WNT7A: variants seen among roughly 807,000 people sequenced by gnomAD.
WNT7A encodes the protein protein Wnt-7a.
A neutral mutation model predicts 28.2 loss-of-function variants in WNT7A; 16 were observed. That is an observed-to-expected ratio of 0.57 (90% CI 0.38 to 0.86). The LOEUF (loss-of-function observed/expected upper bound fraction) is 0.86. Ranked by LOEUF, WNT7A falls within the 40% of genes least tolerant of loss-of-function variation. WNT7A has a pLI of 0.00. For synonymous variants in WNT7A, 190 were observed against 195.9 expected (o/e 0.97, Z 0.25); for missense variants, 411 against 489.7 (o/e 0.84, Z 1.52).
intron 3 of WNT7A, among the ~76,000 whole-genome samples, chr3:13,851,345 C>G (rs1005707603): frequency 1.2e-4 from 19 of 152,226 alleles, no homozygotes; most frequent in African/African-American, 4.3e-4. Flanking sequence ...GTCCTCCCCA[C>G]CCTCGGCCAC....
chr3:13,830,390 C>T (rs1288308438), intron 3 of WNT7A, among the ~76,000 whole-genome samples: 1 of 152,170 alleles, frequency 6.6e-6, no homozygotes, highest in Non-Finnish European at 1.5e-5. Flanking sequence ...CCGCTGGCTT[C>T]CTCTCCTGTG....
chr3:13,850,791 T>A (rs1356009675), intron 3 of WNT7A, among the ~76,000 whole-genome samples: 1 of 152,072 alleles, frequency 6.6e-6, no homozygotes, highest in Non-Finnish European at 1.5e-5. Flanking sequence ...CGGAGACCCC[T>A]GGCCCTTGGC....
chr3:13,878,260 C>G (rs575096777), intron 1 of WNT7A, among the ~76,000 whole-genome samples: 194 of 152,264 alleles, frequency 1.3e-3, no homozygotes, highest in Non-Finnish European at 2.2e-3. Context: ...TCTGTCTCCC[C>G]CGCCACCCGT....
chr3:13,826,870 A>G (rs1053246868), intron 3 of WNT7A, among the ~76,000 whole-genome samples: 1 of 152,260 alleles, frequency 6.6e-6, no homozygotes, highest in African/African-American at 2.4e-5. Flanking sequence ...CTGGGGCCAT[A>G]TTAACTAAGG....
intron 3 of WNT7A, among the ~76,000 whole-genome samples, chr3:13,842,510 T>C (rs1378478431): frequency 1.3e-5 from 2 of 152,098 alleles, no homozygotes; most frequent in African/African-American, 4.8e-5. Context: ...GTTGTGTCAC[T>C]GTAGGGAAGA....
At chr3:13,835,553 C>G (rs1694353809) in intron 3 of WNT7A, among the ~76,000 whole-genome samples, 1 of 152,208 alleles carries the variant, frequency 6.6e-6, no homozygotes, top group South Asian at 2.1e-4. Context: ...AGCTAGAGGA[C>G]CCAGAGCACG....
At chr3:13,845,601 C>T (rs1694525737) in intron 3 of WNT7A, among the ~76,000 whole-genome samples, 1 of 152,170 alleles carries the variant, frequency 6.6e-6, no homozygotes, top group Non-Finnish European at 1.5e-5. Flanking sequence ...GCCAAGGCCA[C>T]ACAGCTAGCA....
At chr3:13,859,836 G>A (rs754925124) in intron 2 of WNT7A, among the ~76,000 whole-genome samples, 6 of 152,240 alleles carry the variant, frequency 3.9e-5, no homozygotes, top group Non-Finnish European at 7.3e-5. Flanking sequence ...TGCTCAGCAT[G>A]TTAGAAGAGA....
At chr3:13,824,772 C>A (rs1393035882) in intron 3 of WNT7A, among the ~76,000 whole-genome samples, 1 of 152,210 alleles carries the variant, frequency 6.6e-6, no homozygotes, top group African/African-American at 2.4e-5. Context: ...GATGGCCCAA[C>A]AATTCCACTA....
chr3:13,858,617 G>A (rs754300663), intron 2 of WNT7A, among the ~76,000 whole-genome samples: 18 of 152,136 alleles, frequency 1.2e-4, no homozygotes, highest in Non-Finnish European at 2.4e-4. Flanking sequence ...AGCCCAGAGT[G>A]AGGTCTCATC....
In WNT7A at chr3:13,827,479, C is replaced by G. The variant is rs545793529; in HGVS notation, c.571-8056G>C. Reference sequence around the variant, plus strand: ...GTGCTGCCCAGAGCCCGGAATTACTCAGGGTGGGGTTCTCAGGCCTGGGAG... The same window carrying G: ...GTGCTGCCCAGAGCCCGGAATTACTGAGGGTGGGGTTCTCAGGCCTGGGAG... On this transcript the variant is annotated intron_variant, in intron 3 of 3. Transcript: ENST00000285018. Among the ~76,000 whole-genome samples the G allele has an allele frequency of 2.6e-5, 4 of 152,312 alleles. No homozygotes were observed. The East Asian group carries it at 7.7e-4, about 29-fold the overall frequency.
rs748908798 is a variant in WNT7A at position 13,819,379 on chromosome 3, C to G, written c.615G>C (p.Val205=). 1.2e-6 allele frequency: 2 copies of G among 1,613,380 alleles called. No individual in the cohort carries two copies. Among genetic ancestry groups the G allele is most frequent in the South Asian group, 2.2e-5 (2 of 90,936 alleles). ...ACGTCTTGGTGGTGCACGAGCCTGA[C>G]ACGCCGTGGCACTTACATTCCAGCT... ...NMKLECKCHG[V]SGSCTTKTCW... is the part of the protein sequence containing the mutation. The change falls in exon 4 of 4, where the codon GTG becomes GTC. Residue 205 remains valine, a synonymous_variant. Coordinates refer to ENST00000285018, the MANE Select transcript of WNT7A (RefSeq NM_004625.4).
chr3:13,868,929 A>G (rs752920316), intron 2 of WNT7A, among the ~76,000 whole-genome samples: 1 of 146,098 alleles, frequency 6.8e-6, no homozygotes, highest in African/African-American at 2.5e-5. Flanking sequence ...GAAGGAAAGA[A>G]GGAAGGAAGG....
chr3:13,878,628 G>A (rs1234582342), intron 1 of WNT7A, among the ~76,000 whole-genome samples: 1 of 152,144 alleles, frequency 6.6e-6, no homozygotes, highest in Non-Finnish European at 1.5e-5. Flanking sequence ...GGGAAGTGAC[G>A]GGGTAGGGGG....
rs927684627 is a variant in WNT7A at position 13,878,561 on chromosome 3, C to G, written c.71+1185G>C. ...GGCCCCTGGTCGGCTCTGCACGCAC[C>G]TGCTAGCGGCCGCGGCCGGACAACT... On this transcript the variant is annotated intron_variant, in intron 1 of 3. Coordinates refer to ENST00000285018, the MANE Select transcript of WNT7A (RefSeq NM_004625.4). Among the ~76,000 whole-genome samples, 33 of 152,262 alleles carry G rather than the reference C, an allele frequency of 2.2e-4. No homozygotes were observed. The Middle Eastern group carries it at 0.014, about 63-fold the overall frequency.
chr3:13,878,427 A>G (rs1443786125), intron 1 of WNT7A, among the ~76,000 whole-genome samples: 3 of 152,170 alleles, frequency 2.0e-5, no homozygotes, highest in East Asian at 1.9e-4. Flanking sequence ...GGGGAAAAAA[A>G]GGAAAGCCAC....
chr3:13,864,297 A>G (rs2124869464), intron 2 of WNT7A, among the ~76,000 whole-genome samples: 1 of 152,180 alleles, frequency 6.6e-6, no homozygotes. Context: ...TCTGGTCCCA[A>G]AACCCTGCAG....
At chr3:13,832,544 T>C (rs1247662009) in intron 3 of WNT7A, among the ~76,000 whole-genome samples, 1 of 152,124 alleles carries the variant, frequency 6.6e-6, no homozygotes, top group Non-Finnish European at 1.5e-5. Context: ...AGTCTCCTCC[T>C]GCTCCTCCTC....
chr3:13,842,076 CA>C (rs146029756), intron 3 of WNT7A, among the ~76,000 whole-genome samples: 14,170 of 151,844 alleles, frequency 0.093, 850 homozygotes, highest in Middle Eastern at 0.2. Flanking sequence ...GGGAAGGAGA[CA>C]GGGGTGAGGG....
Sources: gnomAD v4.1 joint callset for allele counts (sites outside exome capture counted in the v4.1 genomes callset) on GRCh38, gnomAD v4.1.1 for gene constraint, MANE v1.5 for transcripts, NCBI Gene and HGNC (gene_info 2026-07-23, HGNC 2026-07-21) for gene names.